Variants in WDR72 observed in about 807,000 individuals in gnomAD.
The protein encoded by WDR72 is WD repeat-containing protein 72.
In WDR72, 120 loss-of-function variants were observed where a neutral mutation model predicts 124.2. The ratio of observed to expected loss-of-function variants is 0.97; its 90% CI spans 0.83 to 1.12. The LOEUF is 1.12. Ranked by LOEUF, WDR72 falls within the 50% of genes most tolerant of loss-of-function variation. The pLI, the probability that WDR72 is intolerant of heterozygous loss-of-function variation, is 0.00. For synonymous variants in WDR72, 452 were observed against 441.7 expected (o/e 1.02, Z -0.29); for missense variants, 1,387 against 1,278.8 (o/e 1.08, Z -1.29).
intron 18 of WDR72, among the ~76,000 whole-genome samples, chr15:53,566,087 C>T (rs1007664521): frequency 1.3e-5 from 2 of 151,924 alleles, no homozygotes; most frequent in East Asian, 1.9e-4. Context: ...TTACTGAGCA[C>T]GTATTACATG....
intron 3 of WDR72, 97 bp from the exon 4 acceptor site, chr15:53,716,782 T>G (rs1265848131): frequency 2.3e-6 from 1 of 439,924 alleles, no homozygotes; most frequent in Non-Finnish European, 4.2e-6. Flanking sequence ...AGCCTGATCA[T>G]TTATGTGGCT....
Position 53,597,077 on chromosome 15 carries a change from A to C in WDR72, c.3148+2T>G, listed in dbSNP as rs781642476. 1.9e-6 allele frequency: 3 copies of C among 1,613,592 alleles called. No homozygotes were observed. The South Asian group carries it at 3.3e-5, about 18-fold the overall frequency. On this transcript the variant is annotated splice_donor_variant, in intron 18 of 19. Transcript: ENST00000360509. LOFTEE classifies it high-confidence loss of function. ...GAGTATACCAATAAATTTTGTACTT[A>C]CTTTGCAGAGGCAAAGTGTTTCTAA...
At chr15:53,636,523 A>T (rs1595810247) in intron 14 of WDR72, among the ~76,000 whole-genome samples, 1 of 152,336 alleles carries the variant, frequency 6.6e-6, no homozygotes, top group East Asian at 1.9e-4. Context: ...TAGGTCATAC[A>T]TCACATATAC....
At chr15:53,750,105 C>T (rs1209763195) in intron 1 of WDR72, among the ~76,000 whole-genome samples, 2 of 152,054 alleles carry the variant, frequency 1.3e-5, no homozygotes, top group East Asian at 3.9e-4. Flanking sequence ...GATGAAACAC[C>T]TTTTTATTGG....
At chr15:53,580,989 T>A (rs1250486417) in intron 18 of WDR72, among the ~76,000 whole-genome samples, 4 of 152,084 alleles carry the variant, frequency 2.6e-5, no homozygotes, top group Non-Finnish European at 4.4e-5. Flanking sequence ...GTTTAGCTAC[T>A]GTTAAATAAT....
chr15:53,706,910 T>C (rs979466782), intron 9 of WDR72, among the ~76,000 whole-genome samples: 5 of 152,104 alleles, frequency 3.3e-5, no homozygotes, highest in Non-Finnish European at 5.9e-5. Flanking sequence ...AAGCAGAATA[T>C]GAATATTGGG....
At position 53,706,026 on chromosome 15, in the gene WDR72, G is replaced by C. The variant is rs2017343447; in HGVS notation, c.1003C>G (p.Pro335Ala). Reference protein sequence around the residue: ...VMGYMNERKEPFYKVLFSGEV... With the variant: ...VMGYMNERKEAFYKVLFSGEV... ...CCAGAGAAAAGTACCTTGTAAAAAG[G>C]CTCTTTCCTTTCATTCATGTAGCCC... is the stretch of plus-strand genomic sequence containing the variant. Residue 335 changes from proline to alanine, a missense_variant, in exon 10 of 20, where the codon CCT (proline) becomes GCT (alanine). Physicochemically the swap from Pro to Ala is conservative, Grantham distance 27 (BLOSUM62 -1). Transcript: ENST00000360509. The C allele has an allele frequency of 1.9e-6, 3 of 1,613,994 alleles. No homozygotes were observed. The highest frequency in any genetic ancestry group is 1.7e-6 in the Non-Finnish European group (2 of 1,179,980).
intron 13 of WDR72, among the ~76,000 whole-genome samples, chr15:53,689,736 G>A (rs1370386273): frequency 1.3e-5 from 2 of 151,794 alleles, no homozygotes; most frequent in Non-Finnish European, 2.9e-5. Context: ...AAAGGACTAT[G>A]AATCATGCTG....
intron 13 of WDR72, among the ~76,000 whole-genome samples, chr15:53,671,433 AT>A (rs2015984702): frequency 6.6e-6 from 1 of 152,036 alleles, no homozygotes; most frequent in Non-Finnish European, 1.5e-5. Context: ...GGTGTCCTTT[AT>A]TTGCTTGCTT....
chr15:53,555,444 G>A (rs75651357), intron 18 of WDR72, among the ~76,000 whole-genome samples: 5,999 of 152,068 alleles, frequency 0.039, 168 homozygotes, highest in Middle Eastern at 0.072. Flanking sequence ...TAAAGAGAGA[G>A]AGAACATGTG....
intron 1 of WDR72, among the ~76,000 whole-genome samples, chr15:53,752,527 A>T (rs546477518): frequency 1.3e-5 from 2 of 152,300 alleles, no homozygotes; most frequent in African/African-American, 4.8e-5. Context: ...AACCACGAGA[A>T]GCTAAGTGAG....
At chr15:53,620,559 A>G (rs890013581) in intron 14 of WDR72, among the ~76,000 whole-genome samples, 1 of 152,094 alleles carries the variant, frequency 6.6e-6, no homozygotes, top group African/African-American at 2.4e-5. Flanking sequence ...AGGACACCCT[A>G]TGCAACAAAT....
intron 18 of WDR72, among the ~76,000 whole-genome samples, chr15:53,527,678 T>C (rs151165661): frequency 6.6e-6 from 1 of 152,132 alleles, no homozygotes; most frequent in East Asian, 1.9e-4. Context: ...ATAGAGCAGT[T>C]TGAAATATTG....
intron 18 of WDR72, among the ~76,000 whole-genome samples, chr15:53,583,092 C>T (rs1272159889): frequency 1.3e-5 from 2 of 151,812 alleles, no homozygotes; most frequent in East Asian, 3.9e-4. Flanking sequence ...AGAAAAGAAC[C>T]TGGGATTGGC....
rs933066571 is a variant in WDR72 at position 53,705,118 on chromosome 15, T to C, written c.1218A>G (p.Val406=). Residue 406 remains valine, a synonymous_variant, in exon 11 of 20, where the codon GTA becomes GTG. Coordinates refer to ENST00000360509, the MANE Select transcript of WDR72 (RefSeq NM_182758.4). ...SGLKDGAGTA[V]VTSSEYIPSL... ...TTGGAATATACTCTGATGAAGTGAC[T>C]ACAGCAGTTCCTGCCCCATCTTTAA... 7 of 1,614,160 alleles carry C rather than the reference T, an allele frequency of 4.3e-6. No homozygotes were observed. The highest frequency in any genetic ancestry group is 5.9e-6 in the Non-Finnish European group (7 of 1,180,024).
intron 18 of WDR72, among the ~76,000 whole-genome samples, chr15:53,526,401 C>T (rs1477844504): frequency 1.3e-5 from 2 of 152,042 alleles, no homozygotes; most frequent in Non-Finnish European, 2.9e-5. Context: ...CTAGGCATGA[C>T]CAAAGATACA....
At chr15:53,563,504 G>T (rs192531818) in intron 18 of WDR72, among the ~76,000 whole-genome samples, 1 of 151,520 alleles carries the variant, frequency 6.6e-6, no homozygotes, top group African/African-American at 2.4e-5. Flanking sequence ...GTGAAGGTTT[G>T]GTACATAGGT....
intron 19 of WDR72, among the ~76,000 whole-genome samples, chr15:53,522,979 T>C (rs1163802244): frequency 6.6e-6 from 1 of 152,110 alleles, no homozygotes; most frequent in African/African-American, 2.4e-5. Flanking sequence ...AATGAACTAA[T>C]AGTGTCAGCT....
chr15:53,651,813 G>A (rs754504455), intron 14 of WDR72, among the ~76,000 whole-genome samples: 11 of 151,892 alleles, frequency 7.2e-5, no homozygotes, highest in Non-Finnish European at 1.3e-4. Flanking sequence ...ACACCATGCC[G>A]GCTAATTTTT....
Sources: allele counts gnomAD v4.1 joint callset (sites outside exome capture counted in the v4.1 genomes callset), GRCh38; gene constraint gnomAD v4.1.1; transcripts MANE v1.5; gene names NCBI Gene and HGNC (gene_info 2026-07-23, HGNC 2026-07-21).